Variants in HIP1 observed in about 807,000 individuals in gnomAD.
HIP1 encodes huntingtin interacting protein 1, also known as huntingtin-interacting protein 1.
In HIP1, 65 loss-of-function variants were observed where a neutral mutation model predicts 147.6. That is an observed-to-expected ratio of 0.44 (90% CI 0.36 to 0.54). HIP1 has a LOEUF of 0.54. Ranked by LOEUF, HIP1 falls within the 20% of genes least tolerant of loss-of-function variation. HIP1 has a pLI of 0.00. For missense variants in HIP1, 1,061 were observed against 1,299.6 expected, an observed-to-expected ratio of 0.82 and a Z score of 2.82; for synonymous variants, 479 against 504.0, an observed-to-expected ratio of 0.95 and a Z score of 0.67.
At position 75,738,702 on chromosome 7, in the gene HIP1, C is replaced by G. The variant is rs1802106797; in HGVS notation, c.120+99G>C. The stretch of plus-strand genomic sequence containing the variant: ...GCTCACTACACCCTCGCCCCGTCTT[C>G]AACTGGGGCCTGCAAGACTCCTACT... On this transcript the variant is annotated intron_variant, in intron 1 of 30. Transcript: ENST00000336926. 2.2e-6 allele frequency: 3 copies of G among 1,377,278 alleles called. No homozygotes were observed. The African/African-American group carries it at 4.4e-5, about 20-fold the overall frequency. 85.3% of individuals were successfully genotyped at this position (1,377,278 alleles called of 1,614,324 possible).
At chr7:75,608,206 G>T (rs1353550903) in intron 1 of HIP1, among the ~76,000 whole-genome samples, 1 of 152,108 alleles carries the variant, frequency 6.6e-6, no homozygotes, top group Non-Finnish European at 1.5e-5. Flanking sequence ...TGCTCGGAAG[G>T]CTGAGGCAGA....
intron 1 of HIP1, among the ~76,000 whole-genome samples, chr7:75,737,086 T>C (rs560292394): frequency 2.6e-5 from 4 of 152,164 alleles, no homozygotes; most frequent in Admixed American, 2.6e-4. Flanking sequence ...CACACGAGGA[T>C]AATTTTAAAA....
intron 1 of HIP1, among the ~76,000 whole-genome samples, chr7:75,638,450 A>T (rs782289389): frequency 7.9e-5 from 12 of 152,068 alleles, no homozygotes; most frequent in Non-Finnish European, 1.2e-4. Flanking sequence ...TTTCTAAAGG[A>T]AAGGCGGAGT....
At chr7:75,583,920 G>A (rs1167790) in intron 5 of HIP1, among the ~76,000 whole-genome samples, 42,325 of 150,514 alleles carry the variant, frequency 0.28, 6,678 homozygotes, top group African/African-American at 0.43. Flanking sequence ...GAGCCACCAC[G>A]CCCAGCCAGA....
intron 1 of HIP1, among the ~76,000 whole-genome samples, chr7:75,639,414 G>A (rs1438383925): frequency 6.6e-6 from 1 of 151,620 alleles, no homozygotes; most frequent in Non-Finnish European, 1.5e-5. Context: ...AGGGGAGACC[G>A]GGAGGCGGGT....
intron 7 of HIP1, among the ~76,000 whole-genome samples, chr7:75,575,277 A>G (rs587744943): frequency 6.6e-6 from 1 of 152,082 alleles, no homozygotes; most frequent in South Asian, 2.1e-4. Flanking sequence ...CCTGGCCAAC[A>G]TGGCAAAACC....
At chr7:75,555,242 GCA>G (rs2116809054) in intron 19 of HIP1, among the ~76,000 whole-genome samples, 172 bp downstream of exon 19, 1 of 138,330 alleles carries the variant, frequency 7.2e-6, no homozygotes, top group South Asian at 2.3e-4. Flanking sequence ...AGGCACTAAT[GCA>G]CAGAGTTTCC....
At position 75,559,877 on chromosome 7, in the gene HIP1, G is replaced by A. The variant is rs201650445; in HGVS notation, c.1230C>T (p.Ser410=). The A allele has an allele frequency of 1.4e-4, 221 of 1,610,486 alleles. No individual in the cohort carries two copies. In the East Asian group the frequency reaches 3.3e-3, roughly 24 times the overall value. Residue 410 remains serine, a synonymous_variant, in exon 14 of 31, where the codon AGC becomes AGT. Transcript: ENST00000336926. ...RVVLQLKGHV[S]ELEADLAEQQ... ...GCTCGGCCAGATCTGCTTCCAGCTC[G>A]CTGACGTGGCCCTTCAGCTGCAGCA...
intron 12 of HIP1, 59 bp from the exon 13 acceptor site, chr7:75,561,460 T>C (rs1795226403): frequency 3.6e-6 from 4 of 1,122,878 alleles, no homozygotes; most frequent in Middle Eastern, 2.0e-4. Flanking sequence ...CTGTTTTTAA[T>C]TGTGAGCTCA....
At position 75,700,094 on chromosome 7, in the gene HIP1, G is replaced by A. The variant is rs569931241; in HGVS notation, c.120+38707C>T. Among the ~76,000 whole-genome samples, 8 of 152,194 alleles carry A rather than the reference G, an allele frequency of 5.3e-5. No homozygotes were observed. The South Asian group carries it at 1.0e-3, about 20-fold the overall frequency. On this transcript the variant is annotated intron_variant, in intron 1 of 30. Coordinates refer to ENST00000336926, the MANE Select transcript of HIP1 (RefSeq NM_005338.7). ...TCGAACTCCTGGCCTCAAGTGATCCGCCCGCATCGGCCTCTCAAAGTGTTG... is the reference window on the plus strand; with the variant it reads ...TCGAACTCCTGGCCTCAAGTGATCCACCCGCATCGGCCTCTCAAAGTGTTG...
At chr7:75,706,623 A>ATTTTTTTTTTTTTT (rs71082342) in intron 1 of HIP1, among the ~76,000 whole-genome samples, 2 of 103,642 alleles carry the variant, frequency 1.9e-5, no homozygotes, top group East Asian at 2.6e-4. Flanking sequence ...TCAACTCGTC[A>ATTTTTTTTTTTTTT]TTTTTTTTTT....
intron 1 of HIP1, among the ~76,000 whole-genome samples, chr7:75,714,530 G>A (rs1337060990): frequency 1.3e-5 from 2 of 149,124 alleles, no homozygotes; most frequent in African/African-American, 4.9e-5. Flanking sequence ...TCGGCTCACT[G>A]CAACCACTGC....
chr7:75,698,416 A>G (rs1800705857), intron 1 of HIP1, among the ~76,000 whole-genome samples: 1 of 152,194 alleles, frequency 6.6e-6, no homozygotes, highest in African/African-American at 2.4e-5. Flanking sequence ...TTTCAAACCC[A>G]GGCAGTTCTA....
intron 1 of HIP1, among the ~76,000 whole-genome samples, chr7:75,674,122 C>G (rs1313730754): frequency 6.6e-6 from 1 of 152,156 alleles, no homozygotes; most frequent in African/African-American, 2.4e-5. Context: ...GATAATGTCA[C>G]TGAAAAATAG....
intron 1 of HIP1, among the ~76,000 whole-genome samples, chr7:75,601,409 T>C (rs1554502892): frequency 1.3e-5 from 2 of 151,742 alleles, no homozygotes; most frequent in African/African-American, 4.8e-5. Context: ...GCCAACATGG[T>C]GAAACCCCAT....
chr7:75,639,844 G>T (rs1245598016), intron 1 of HIP1, among the ~76,000 whole-genome samples: 2 of 152,090 alleles, frequency 1.3e-5, no homozygotes, highest in Non-Finnish European at 2.9e-5. Context: ...TCCCGAATGA[G>T]ACTGGGGTCT....
At chr7:75,639,459 C>G (rs797043351) in intron 1 of HIP1, among the ~76,000 whole-genome samples, 7 of 151,600 alleles carry the variant, frequency 4.6e-5, no homozygotes, top group Non-Finnish European at 4.4e-5. Flanking sequence ...CGGGCTCGCA[C>G]GGCGAGGATG....
chr7:75,622,300 G>C lies in HIP1; in HGVS notation c.121-23053C>G, dbSNP rs1797869546. Among the ~76,000 whole-genome samples the C allele has an allele frequency of 2.0e-5, 3 of 151,870 alleles. No individual in the cohort carries two copies. The South Asian group carries it at 6.2e-4, about 31-fold the overall frequency. On this transcript the variant is annotated intron_variant, in intron 1 of 30. Transcript: ENST00000336926. ...TCAAAAAAAAAAAGAACAGGTCTGA[G>C]CTACATTTATAAATTTGGACGGAAT...
At chr7:75,713,299 T>C (rs1490335608) in intron 1 of HIP1, among the ~76,000 whole-genome samples, 2 of 152,150 alleles carry the variant, frequency 1.3e-5, no homozygotes, top group Non-Finnish European at 2.9e-5. Flanking sequence ...GATCCCATAT[T>C]ATGGGTGCAA....
Sources: gnomAD v4.1 joint callset for allele counts (sites outside exome capture counted in the v4.1 genomes callset) on GRCh38, gnomAD v4.1.1 for gene constraint, MANE v1.5 for transcripts, NCBI Gene and HGNC (gene_info 2026-07-23, HGNC 2026-07-21) for gene names.